SGCZ: variants seen among roughly 807,000 people sequenced by gnomAD.
The protein encoded by SGCZ is sarcoglycan zeta.
SGCZ carries 40 observed loss-of-function variants against 41.3 expected under a neutral mutation model. The ratio of observed to expected loss-of-function variants is 0.97; its 90% CI spans 0.75 to 1.26. SGCZ has a LOEUF of 1.26. Ranked by LOEUF, SGCZ falls within the 50% of genes most tolerant of loss-of-function variation. The pLI, the probability that SGCZ is intolerant of heterozygous loss-of-function variation, is 0.00. For missense variants in SGCZ, 552 were observed against 369.8 expected (o/e 1.49, Z -4.04); for synonymous variants, 206 against 137.5 (o/e 1.50, Z -3.49).
At chr8:14,316,775 AC>A (rs1801730796) in intron 3 of SGCZ, among the ~76,000 whole-genome samples, 1 of 149,948 alleles carries the variant, frequency 6.7e-6, no homozygotes, top group South Asian at 2.1e-4. Flanking sequence ...ATCTATTCTT[AC>A]TTCCTTGGTA....
chr8:15,028,834 C>A lies in SGCZ; in HGVS notation c.39+208751G>T, dbSNP rs546599423. Among the ~76,000 whole-genome samples the A allele has an allele frequency of 3.9e-5, 6 of 152,098 alleles. No homozygotes were observed. In the East Asian group the frequency reaches 5.8e-4, roughly 15 times the overall value. On this transcript the variant is annotated intron_variant, in intron 1 of 7. Coordinates refer to ENST00000382080, the MANE Select transcript of SGCZ (RefSeq NM_139167.4). The stretch of plus-strand genomic sequence containing the variant: ...TAAAGGACTAAAATGAAATCAGGTA[C>A]TTTCATGGTGTTTACAGGTCTGTAA...
At position 14,793,039 on chromosome 8, in the gene SGCZ, T is replaced by A. The variant is rs558364985; in HGVS notation, c.40-238113A>T. 1.9e-3 allele frequency among the ~76,000 whole-genome samples: 283 copies of A among 152,346 alleles called. 1 individual carries two copies. The highest frequency in any genetic ancestry group is 6.3e-3 in the African/African-American group (263 of 41,584). ...TTGACAAGAATTACAATATAAAAGATACTAAATACAATATGTGATCTATCT... is the reference window on the plus strand; with the variant it reads ...TTGACAAGAATTACAATATAAAAGAAACTAAATACAATATGTGATCTATCT... On this transcript the variant is annotated intron_variant, in intron 1 of 7. Coordinates refer to ENST00000382080, the MANE Select transcript of SGCZ (RefSeq NM_139167.4).
chr8:14,402,804 A>G (rs956819418), intron 2 of SGCZ, among the ~76,000 whole-genome samples: 1 of 148,800 alleles, frequency 6.7e-6, no homozygotes, highest in Non-Finnish European at 1.5e-5. Context: ...ACTTTAAAGT[A>G]GTTTTTTCCA....
At chr8:14,789,263 G>C (rs1057289386) in intron 1 of SGCZ, among the ~76,000 whole-genome samples, 1 of 152,096 alleles carries the variant, frequency 6.6e-6, no homozygotes, top group African/African-American at 2.4e-5. Flanking sequence ...AAATGTACTT[G>C]TTTACAGTAT....
At chr8:14,707,865 A>T (rs990768612) in intron 1 of SGCZ, among the ~76,000 whole-genome samples, 1 of 152,160 alleles carries the variant, frequency 6.6e-6, no homozygotes, top group African/African-American at 2.4e-5. Flanking sequence ...ATTAACTCGA[A>T]TTTAAAATAT....
chr8:14,680,964 GAA>G (rs71209075), intron 1 of SGCZ, among the ~76,000 whole-genome samples: 3 of 117,902 alleles, frequency 2.5e-5, no homozygotes, highest in Admixed American at 9.8e-5. Context: ...AAAAGAGTGG[GAA>G]AAAAAAAAAA....
chr8:14,180,573 T>G (rs908201996), intron 4 of SGCZ, among the ~76,000 whole-genome samples: 2 of 152,028 alleles, frequency 1.3e-5, no homozygotes, highest in African/African-American at 4.8e-5. Flanking sequence ...AAATGACCTG[T>G]TAAAAACCGA....
intron 1 of SGCZ, among the ~76,000 whole-genome samples, chr8:15,191,085 A>G (rs1327280464): frequency 6.6e-6 from 1 of 152,090 alleles, no homozygotes; most frequent in South Asian, 2.1e-4. Context: ...TAATACAACA[A>G]TAGTAACTCT....
At chr8:15,168,603 C>T (rs926697732) in intron 1 of SGCZ, among the ~76,000 whole-genome samples, 2 of 152,022 alleles carry the variant, frequency 1.3e-5, no homozygotes, top group African/African-American at 2.4e-5. Flanking sequence ...CACTTACCCC[C>T]GGTATCTGCT....
At chr8:14,126,201 G>A (rs563157882) in intron 5 of SGCZ, among the ~76,000 whole-genome samples, 3 of 152,258 alleles carry the variant, frequency 2.0e-5, no homozygotes, top group Non-Finnish European at 4.4e-5. Flanking sequence ...GCAACCTACA[G>A]AATGGGAGAA....
rs141705766 is a variant in SGCZ at position 14,446,855 on chromosome 8, A to G, written c.234+107877T>C. Among the ~76,000 whole-genome samples, 809 of 152,258 alleles carry G rather than the reference A, an allele frequency of 5.3e-3. 6 individuals carry two copies. Among genetic ancestry groups the G allele is most frequent in the African/African-American group, 0.018 (755 of 41,542 alleles). On this transcript the variant is annotated intron_variant, in intron 2 of 7. Coordinates refer to ENST00000382080, the MANE Select transcript of SGCZ (RefSeq NM_139167.4). ...TGTTATTTTTAAAAGCACAAAGAAA[A>G]CTATTTTAAAAGATCACGAGGAGAT...
chr8:14,383,927 T>C (rs180823989), intron 2 of SGCZ, among the ~76,000 whole-genome samples: 7 of 152,210 alleles, frequency 4.6e-5, no homozygotes, highest in Non-Finnish European at 8.8e-5. Flanking sequence ...TGAGATTTTT[T>C]TTTTAACAGA....
chr8:14,932,473 T>C (rs1799946869), intron 1 of SGCZ, among the ~76,000 whole-genome samples: 1 of 152,004 alleles, frequency 6.6e-6, no homozygotes, highest in South Asian at 2.1e-4. Context: ...GGTGCATTCG[T>C]TCTGTGTAAA....
chr8:14,353,978 A>T (rs565918357), intron 2 of SGCZ, among the ~76,000 whole-genome samples: 12 of 152,098 alleles, frequency 7.9e-5, no homozygotes, highest in Non-Finnish European at 1.8e-4. Flanking sequence ...TCTAGTTCTC[A>T]TAAGTAGACC....
chr8:14,495,786 T>G (rs1801970312), intron 2 of SGCZ, among the ~76,000 whole-genome samples: 1 of 151,866 alleles, frequency 6.6e-6, no homozygotes, highest in East Asian at 1.9e-4. Flanking sequence ...AACGTTTTTT[T>G]GAAAAACTGT....
chr8:14,412,360 C>A (rs1221257943), intron 2 of SGCZ, among the ~76,000 whole-genome samples: 2 of 152,078 alleles, frequency 1.3e-5, no homozygotes, highest in Non-Finnish European at 1.5e-5. Context: ...CAATCTACAG[C>A]AACTATTATA....
chr8:14,541,972 G>A (rs1375074659), intron 2 of SGCZ, among the ~76,000 whole-genome samples: 2 of 152,098 alleles, frequency 1.3e-5, no homozygotes, highest in East Asian at 1.9e-4. Context: ...ACTTTTTGAT[G>A]AGGCTTTTTG....
At chr8:14,384,420 T>C (rs977739599) in intron 2 of SGCZ, among the ~76,000 whole-genome samples, 9 of 152,180 alleles carry the variant, frequency 5.9e-5, no homozygotes, top group East Asian at 1.9e-4. Flanking sequence ...AAATACACCA[T>C]GGAATACTAT....
At chr8:14,591,619 A>G (rs567481217) in intron 1 of SGCZ, among the ~76,000 whole-genome samples, 1 of 152,248 alleles carries the variant, frequency 6.6e-6, no homozygotes, top group African/African-American at 2.4e-5. Context: ...TGCAAACGTT[A>G]TTGATAACAT....
Sources: gnomAD v4.1 joint callset for allele counts (sites outside exome capture counted in the v4.1 genomes callset) on GRCh38, gnomAD v4.1.1 for gene constraint, MANE v1.5 for transcripts, NCBI Gene and HGNC (gene_info 2026-07-23, HGNC 2026-07-21) for gene names.